Variants in CTBP2 observed in about 807,000 individuals in gnomAD.
CTBP2 encodes C-terminal-binding protein 2.
Under a neutral mutation model 80.3 loss-of-function variants are expected in CTBP2, and 30 were observed. The ratio of observed to expected loss-of-function variants is 0.37; its 90% CI spans 0.28 to 0.51. CTBP2 has a LOEUF of 0.51. Ranked by LOEUF, CTBP2 falls within the 20% of genes least tolerant of loss-of-function variation. The pLI is 0.93. For synonymous variants in CTBP2, 594 were observed against 587.4 expected, an observed-to-expected ratio of 1.01 and a Z score of -0.16; for missense variants, 1,212 against 1,375.3, an observed-to-expected ratio of 0.88 and a Z score of 1.88.
chr10:125,030,242 A>G (rs562778494), upstream of CTBP2, among the ~76,000 whole-genome samples: 1 of 152,328 alleles, frequency 6.6e-6, no homozygotes, highest in East Asian at 1.9e-4. Flanking sequence ...GATGGGACCC[A>G]TTAGAGTAAT....
intron 1 of CTBP2, among the ~76,000 whole-genome samples, chr10:125,112,301 T>C (rs552938328): frequency 3.6e-4 from 55 of 151,616 alleles, no homozygotes; most frequent in Non-Finnish European, 6.5e-4. Flanking sequence ...TTAGTAGAGA[T>C]GGGGTTTCAC....
intron 1 of CTBP2, among the ~76,000 whole-genome samples, chr10:125,113,648 A>G (rs1014490239): frequency 6.6e-6 from 1 of 152,252 alleles, no homozygotes; most frequent in Non-Finnish European, 1.5e-5. Context: ...CACCTTAGCA[A>G]TGACTATAAC....
intron 3 of CTBP2, among the ~76,000 whole-genome samples, chr10:125,036,668 G>GGTGTGTGT (rs59284647): frequency 1.6e-4 from 19 of 119,346 alleles, no homozygotes; most frequent in African/African-American, 6.8e-4. Flanking sequence ...AGCTAGAGGG[G>GGTGTGTGT]GTGTGTGTGT....
At chr10:125,002,852 G>T in intron 3 of CTBP2, 108 bp downstream of exon 5, 2 of 1,395,434 alleles carry the variant, frequency 1.4e-6, no homozygotes, top group Non-Finnish European at 1.9e-6. Flanking sequence ...GCTACAGCCA[G>T]AAGCGGCTGC....
intron 1 of CTBP2, among the ~76,000 whole-genome samples, chr10:125,114,863 G>T (rs7912889): frequency 7.7e-6 from 1 of 129,718 alleles, no homozygotes; most frequent in Non-Finnish European, 1.6e-5. Context: ...CCCCCATGCC[G>T]CCTGCTGTGA....
intron 1 of CTBP2, among the ~76,000 whole-genome samples, chr10:125,159,213 C>G (rs953687718): frequency 1.3e-5 from 2 of 150,536 alleles, no homozygotes; most frequent in African/African-American, 2.4e-5. Context: ...CTGCGCCGCA[C>G]CGGGTCCCTG....
rs550120875 is a variant in CTBP2 at position 125,071,790 on chromosome 10, CG to C, written c.-101-32636del. On this transcript the variant is annotated intron_variant, in intron 2 of 10. Coordinates refer to the CTBP2 transcript ENST00000337195. ...CCAAATTCCCAGATACCGTGAAATG[CG>C]TACCACCACCCCCAAACATTCCCAA... is the stretch of plus-strand genomic sequence containing the variant. Among the ~76,000 whole-genome samples, 555 of 152,242 alleles carry C rather than the reference CG, an allele frequency of 3.6e-3. 3 individuals carry two copies. The highest frequency in any genetic ancestry group is 5.6e-3 in the Non-Finnish European group (384 of 68,018).
chr10:125,077,633 C>G (rs1474937153), intron 2 of CTBP2, among the ~76,000 whole-genome samples: 1 of 152,118 alleles, frequency 6.6e-6, no homozygotes, highest in African/African-American at 2.4e-5. Flanking sequence ...GGATTACCAA[C>G]AAAAAGGGCT....
intron 2 of CTBP2, among the ~76,000 whole-genome samples, chr10:125,089,921 G>A (rs1454862372): frequency 6.6e-6 from 1 of 152,170 alleles, no homozygotes; most frequent in East Asian, 1.9e-4. Flanking sequence ...GCACACTGAT[G>A]TTGTCCTTGG....
rs1955597226 is a variant in CTBP2, at chr10:125,009,276, C to T, written c.1679-5784G>A. On this transcript the variant is annotated intron_variant, in intron 1 of 8. Coordinates refer to ENST00000309035, the MANE Select transcript of CTBP2 (RefSeq NM_022802.3). ...CCAAACAGAGCCAAGCGATTCACGG[C>T]TTCATCAGCCCCTGTGACCTGCAGG... Among the ~76,000 whole-genome samples the T allele has an allele frequency of 2.6e-5, 4 of 152,222 alleles. 1 individual carries two copies. In the South Asian group the frequency reaches 8.3e-4, roughly 31 times the overall value.
intron 2 of CTBP2, among the ~76,000 whole-genome samples, chr10:125,043,595 G>A (rs1432014464): frequency 1.3e-5 from 2 of 151,932 alleles, no homozygotes; most frequent in East Asian, 1.9e-4. Flanking sequence ...CCGCCACCAC[G>A]CCCGGCTACT....
intron 1 of CTBP2, among the ~76,000 whole-genome samples, chr10:125,010,971 A>G (rs996175917): frequency 2.6e-5 from 4 of 152,234 alleles, no homozygotes; most frequent in African/African-American, 9.6e-5. Context: ...TTAATCTTCC[A>G]AAGTTGGGCT....
chr10:125,073,864 G>A lies in CTBP2; in HGVS notation c.-101-34709C>T, dbSNP rs4147292. On this transcript the variant is annotated intron_variant, in intron 2 of 10. Coordinates refer to the CTBP2 transcript ENST00000337195. ...GGAAAACTCCTCCCAATCAGGGTCT[G>A]GTGCTGGTTGGAGTCTGTCTGATGT... 4.3e-3 allele frequency among the ~76,000 whole-genome samples: 660 copies of A among 152,290 alleles called. 36 individuals are homozygous for A. The East Asian group carries it at 0.11, about 25-fold the overall frequency.
intron 1 of CTBP2, among the ~76,000 whole-genome samples, chr10:125,137,778 G>C (rs538637355): frequency 6.6e-6 from 1 of 152,154 alleles, no homozygotes; most frequent in Non-Finnish European, 1.5e-5. Context: ...CCTCCACCAC[G>C]TTCTTTTTCC....
intron 1 of CTBP2, among the ~76,000 whole-genome samples, chr10:125,134,091 A>T (rs138387131): frequency 1.9e-4 from 29 of 152,374 alleles, no homozygotes; most frequent in African/African-American, 6.7e-4. Flanking sequence ...AAACATTCCG[A>T]AGTCCTGTCC....
upstream of CTBP2, chr10:125,161,174 C>T (rs1051146098): frequency 1.3e-5 from 2 of 151,428 alleles, no homozygotes. Flanking sequence ...TCGGCTCTCT[C>T]GGGGGATTAG....
chr10:125,010,545 ATCTC>A (rs1449454374), intron 1 of CTBP2, among the ~76,000 whole-genome samples: 2 of 152,114 alleles, frequency 1.3e-5, no homozygotes, highest in Non-Finnish European at 2.9e-5. Context: ...CGCAACCCTT[ATCTC>A]TCTTTCTGCA....
At position 124,985,231 on chromosome 10, in the gene CTBP2, C is replaced by A. The variant is rs1952006811; in HGVS notation, c.*4287G>T. On this transcript the variant is annotated 3_prime_UTR_variant, in exon 9 of 9. Coordinates refer to ENST00000309035, the MANE Select transcript of CTBP2 (RefSeq NM_022802.3). ...AAAAACTAATTTTATTAAGACAGAACTTTTTTTCCTTCCAAATTGTAAATC... is the reference window on the plus strand; with the variant it reads ...AAAAACTAATTTTATTAAGACAGAAATTTTTTTCCTTCCAAATTGTAAATC... 1 of 418,764 alleles carries A rather than the reference C, an allele frequency of 2.4e-6. No homozygotes were observed. The highest frequency in any genetic ancestry group is 3.7e-5 in the East Asian group (1 of 27,260). 25.9% of individuals were successfully genotyped at this position (418,764 alleles called of 1,614,324 possible).
chr10:124,995,262 G>A (rs1415568303), intron 4 of CTBP2, among the ~76,000 whole-genome samples: 3 of 152,198 alleles, frequency 2.0e-5, no homozygotes, highest in African/African-American at 4.8e-5. Context: ...CATCAGACCT[G>A]GACCTGTCCC....
Sources: allele counts gnomAD v4.1 joint callset (sites outside exome capture counted in the v4.1 genomes callset), GRCh38; gene constraint gnomAD v4.1.1; transcripts MANE v1.5; gene names NCBI Gene and HGNC (gene_info 2026-07-23, HGNC 2026-07-21).